KCNIP4: variants seen among roughly 807,000 people sequenced by gnomAD.
The protein encoded by KCNIP4 is potassium voltage-gated channel interacting protein 4.
A neutral mutation model predicts 34.0 loss-of-function variants in KCNIP4; 12 were observed. The observed-to-expected ratio is 0.35, with a 90% CI of 0.23 to 0.57. The LOEUF is 0.57. KCNIP4 is among the 20% of genes least tolerant of loss of function. The pLI, the probability that KCNIP4 is intolerant of heterozygous loss-of-function variation, is 0.83. For synonymous variants in KCNIP4, 124 were observed against 102.2 expected (o/e 1.21, Z -1.29); for missense variants, 238 against 311.7 (o/e 0.76, Z 1.78).
chr4:21,236,845 TAA>T (rs75125946), intron 1 of KCNIP4, among the ~76,000 whole-genome samples: 2,887 of 142,026 alleles, frequency 0.02, 76 homozygotes, highest in African/African-American at 0.066. Flanking sequence ...CCACCTCTAC[TAA>T]AAAAAAAAAA....
Position 20,830,958 on chromosome 4 carries a change from G to A in KCNIP4, c.288+19585C>T, listed in dbSNP as rs1718359313. On this transcript the variant is annotated intron_variant, in intron 3 of 8. Coordinates refer to ENST00000382152, the MANE Select transcript of KCNIP4 (RefSeq NM_025221.6). ...ATCTAATAGCAGAGAAGGCAGAGAT[G>A]TGTAAGTTAGTTGACTTCAGGACAA... Among the ~76,000 whole-genome samples the A allele has an allele frequency of 2.6e-5, 4 of 152,194 alleles. No homozygotes were observed. The South Asian group carries it at 8.3e-4, about 32-fold the overall frequency.
chr4:21,267,667 A>G (rs1204948039), intron 1 of KCNIP4, among the ~76,000 whole-genome samples: 12 of 142,944 alleles, frequency 8.4e-5, no homozygotes, highest in African/African-American at 2.8e-4. Flanking sequence ...ATTTGCGTAT[A>G]TTGAACCAGC....
chr4:21,263,404 C>A (rs1474375487), intron 1 of KCNIP4, among the ~76,000 whole-genome samples: 1 of 152,164 alleles, frequency 6.6e-6, no homozygotes, highest in Non-Finnish European at 1.5e-5. Context: ...GTGTTCTTAA[C>A]CTTCATCATG....
chr4:21,352,066 G>A (rs980815576), intron 1 of KCNIP4, among the ~76,000 whole-genome samples: 11 of 152,008 alleles, frequency 7.2e-5, no homozygotes, highest in East Asian at 3.9e-4. Flanking sequence ...ATGACCCTAC[G>A]AATAGCCCTA....
intron 1 of KCNIP4, among the ~76,000 whole-genome samples, chr4:21,668,236 G>A (rs1017650136): frequency 6.6e-6 from 1 of 152,134 alleles, no homozygotes; most frequent in African/African-American, 2.4e-5. Flanking sequence ...TTGGGCAGTT[G>A]GGGGTGAGGA....
At chr4:21,059,745 A>G (rs1743751049) in intron 1 of KCNIP4, among the ~76,000 whole-genome samples, 1 of 152,172 alleles carries the variant, frequency 6.6e-6, no homozygotes, top group Non-Finnish European at 1.5e-5. Context: ...TGTTTAACCT[A>G]GAAAAATGAA....
At chr4:21,747,960 C>A (rs926181482) in intron 1 of KCNIP4, among the ~76,000 whole-genome samples, 4 of 152,022 alleles carry the variant, frequency 2.6e-5, no homozygotes, top group African/African-American at 9.7e-5. Flanking sequence ...AGCAAGGCTG[C>A]CACAAGCCAA....
intron 3 of KCNIP4, among the ~76,000 whole-genome samples, chr4:20,764,288 A>G (rs1207766184): frequency 6.6e-6 from 1 of 152,184 alleles, no homozygotes; most frequent in Non-Finnish European, 1.5e-5. Flanking sequence ...TAAAGTTTTA[A>G]TAAGACAAAA....
At chr4:21,710,952 A>G (rs561616332) in intron 1 of KCNIP4, among the ~76,000 whole-genome samples, 9 of 152,326 alleles carry the variant, frequency 5.9e-5, no homozygotes, top group African/African-American at 2.2e-4. Flanking sequence ...CCAGCCCTGT[A>G]CACATATCCT....
At chr4:21,540,465 A>AAG in intron 1 of KCNIP4, among the ~76,000 whole-genome samples, 1 of 152,156 alleles carries the variant, frequency 6.6e-6, no homozygotes, top group Non-Finnish European at 1.5e-5. Context: ...GAATACGTAC[A>AAG]AGAGAGAGGC....
chr4:20,731,872 G>A, intron 8 of KCNIP4, 134 bp downstream of exon 8: 1 of 1,445,746 alleles, frequency 6.9e-7, no homozygotes, highest in African/African-American at 1.4e-5. Flanking sequence ...GTAGGCTTAT[G>A]CTGCATGTTG....
intron 5 of KCNIP4, among the ~76,000 whole-genome samples, chr4:20,739,514 A>G (rs544181926): frequency 6.6e-6 from 1 of 152,282 alleles, no homozygotes; most frequent in South Asian, 2.1e-4. Flanking sequence ...TGACTGTTAG[A>G]AGGAAAACTG....
intron 1 of KCNIP4, among the ~76,000 whole-genome samples, chr4:21,116,102 A>C (rs1577719929): frequency 6.6e-6 from 1 of 152,316 alleles, no homozygotes; most frequent in East Asian, 1.9e-4. Context: ...AATGAAGCTA[A>C]AGCTCTAGGG....
At chr4:20,793,068 C>T (rs1358338861) in intron 3 of KCNIP4, among the ~76,000 whole-genome samples, 3 of 152,118 alleles carry the variant, frequency 2.0e-5, no homozygotes, top group Non-Finnish European at 4.4e-5. Context: ...AAAATATACA[C>T]ATTTACCCAG....
At chr4:21,511,086 C>T (rs1014316865) in intron 1 of KCNIP4, among the ~76,000 whole-genome samples, 7 of 151,750 alleles carry the variant, frequency 4.6e-5, no homozygotes, top group Admixed American at 2.0e-4. Context: ...TTGCCACATG[C>T]CTGTATATAG....
chr4:20,743,670 G>A (rs568554866), intron 5 of KCNIP4, among the ~76,000 whole-genome samples: 25 of 152,200 alleles, frequency 1.6e-4, no homozygotes, highest in South Asian at 4.2e-4. Flanking sequence ...AAAAACCCTA[G>A]AAGAAAACCT....
chr4:21,225,229 T>A (rs1758292739), intron 1 of KCNIP4, among the ~76,000 whole-genome samples: 1 of 152,186 alleles, frequency 6.6e-6, no homozygotes, highest in Admixed American at 6.5e-5. Context: ...CCACCTCAGG[T>A]ATTCAGGTTT....
At chr4:21,346,139 G>A (rs1717306546) in intron 1 of KCNIP4, among the ~76,000 whole-genome samples, 1 of 84,178 alleles carries the variant, frequency 1.2e-5, no homozygotes, top group South Asian at 3.6e-4. Flanking sequence ...CTGCCTGAGT[G>A]TGTATATATA....
rs375914755 is a variant in KCNIP4 at position 21,037,109 on chromosome 4, A to G, written c.62-154400T>C. Among the ~76,000 whole-genome samples the G allele has an allele frequency of 1.9e-3, 293 of 152,332 alleles. 6 individuals carry two copies. In the South Asian group the frequency reaches 0.054, roughly 28 times the overall value. On this transcript the variant is annotated intron_variant, in intron 1 of 8. Coordinates refer to ENST00000382152, the MANE Select transcript of KCNIP4 (RefSeq NM_025221.6). The stretch of plus-strand genomic sequence containing the variant: ...CTGTACAATGTATGTGTTTTAAGCT[A>G]AGTGTGGTTATTATGAAAGAGTCAA...
Sources: allele counts gnomAD v4.1 joint callset (sites outside exome capture counted in the v4.1 genomes callset), GRCh38; gene constraint gnomAD v4.1.1; transcripts MANE v1.5; gene names NCBI Gene and HGNC (gene_info 2026-07-23, HGNC 2026-07-21).